The following HAGH variants were observed in gnomAD, a reference collection of about 807,000 sequenced individuals.
The protein encoded by HAGH is hydroxyacylglutathione hydrolase, also known as hydroxyacylglutathione hydrolase, mitochondrial.
Under a neutral mutation model 35.1 loss-of-function variants are expected in HAGH, and 29 were observed. The observed-to-expected ratio is 0.83, with a 90% CI of 0.62 to 1.13. HAGH has a LOEUF of 1.13. Among genes scored for constraint, HAGH ranks in the 50% most tolerant of loss-of-function variants. The pLI is 0.00. For synonymous variants in HAGH, 225 were observed against 176.1 expected (o/e 1.28, Z -2.20); for missense variants, 478 against 419.6 (o/e 1.14, Z -1.22).
At chr16:1,818,880 G>A in intron 5 of HAGH, 1 of 542,758 alleles carries the variant, frequency 1.8e-6, no homozygotes, top group Non-Finnish European at 3.3e-6. Context: ...CAGCTGTCCA[G>A]CAGTCTCCGC....
intron 1 of HAGH, among the ~76,000 whole-genome samples, chr16:1,825,537 G>A (rs948785484): frequency 2.0e-4 from 31 of 152,100 alleles, no homozygotes; most frequent in African/African-American, 7.5e-4. Context: ...GCAGCCTGGG[G>A]CCTGGACCAA....
rs1897915600 is a variant in HAGH at position 1,816,876 on chromosome 16, G to A, written c.747+17C>T. 6.4e-7 allele frequency: 1 copy of A among 1,551,924 alleles called. No individual in the cohort carries two copies. The highest frequency in any genetic ancestry group is 1.4e-5 in the African/African-American group (1 of 73,764). On this transcript the variant is annotated intron_variant, in intron 7 of 8. Coordinates refer to ENST00000397356, the MANE Select transcript of HAGH (RefSeq NM_005326.6). The stretch of plus-strand genomic sequence containing the variant: ...GCAGCCCACAGGAAGGCACTGCGCA[G>A]TGACGGCCCCACTCACCTTGGCCCA...
At position 1,808,651 on chromosome 16, in the gene HAGH, G is replaced by A. The variant is rs1184233420; in HGVS notation, c.*632C>T. On this transcript the variant is annotated 3_prime_UTR_variant, in exon 9 of 9. Coordinates refer to ENST00000397356, the MANE Select transcript of HAGH (RefSeq NM_005326.6). ...GCCTTTGTCCTGCCCTTCCCTCATA[G>A]ACCCTCTGCCACCAGCCACACCCAG... 1 of 152,286 alleles carries A rather than the reference G, an allele frequency of 6.6e-6. No homozygotes were observed. Among genetic ancestry groups the A allele is most frequent in the East Asian group, 1.9e-4 (1 of 5,190 alleles). 9.4% of individuals were successfully genotyped at this position (152,286 alleles called of 1,614,324 possible).
At chr16:1,811,287 G>A (rs1596910319) in intron 7 of HAGH, among the ~76,000 whole-genome samples, 3 of 152,214 alleles carry the variant, frequency 2.0e-5, no homozygotes, top group South Asian at 2.1e-4. Context: ...GGTGGCGGGT[G>A]CCTGTAATCC....
chr16:1,809,345 G>A lies in HAGH; in HGVS notation c.865C>T (p.Pro289Ser). Residue 289 changes from proline to serine, a missense_variant, in exon 9 of 9, where the codon CCG becomes TCG. By Grantham distance (74) the Pro-to-Ser change is moderately conservative. Coordinates refer to ENST00000397356, the MANE Select transcript of HAGH (RefSeq NM_005326.6). ...CGCACGGCCCGCATGGTGGTCACCG[G>A]GTCCGTCTCACCTGCGTGCTGCTGC... is the stretch of plus-strand genomic sequence containing the variant. Reference protein sequence around the residue: ...TVQQHAGETDPVTTMRAVRRE... With the variant: ...TVQQHAGETDSVTTMRAVRRE... The A allele has an allele frequency of 1.9e-6, 3 of 1,613,394 alleles. No homozygotes were observed. The highest frequency in any genetic ancestry group is 1.7e-6 in the Non-Finnish European group (2 of 1,179,928).
chr16:1,823,009 G>C lies in HAGH; in HGVS notation c.105C>G (p.His35Gln). 6.2e-7 allele frequency: 1 copy of C among 1,613,928 alleles called. No individual in the cohort carries two copies. The highest frequency in any genetic ancestry group is 8.5e-7 in the Non-Finnish European group (1 of 1,180,032). The change falls in exon 2 of 9, where the codon CAC becomes CAG. Residue 35 changes from histidine (H) to glutamine (Q), a missense_variant. Physicochemically the swap from His to Gln is conservative, Grantham distance 24 (BLOSUM62 0). Transcript: ENST00000397356. ...CGGTCAGGTTCTTCCGCAAATCTGT[G>C]TGGCAGAAAACTCCCAGCAGGGCTG... ...LGPALLGVFCHTDLRKNLTVD... is the reference protein window; with the variant it reads ...LGPALLGVFCQTDLRKNLTVD...
chr16:1,814,535 C>G (rs1897801196), intron 7 of HAGH, among the ~76,000 whole-genome samples: 1 of 150,692 alleles, frequency 6.6e-6, no homozygotes, highest in Admixed American at 6.6e-5. Context: ...AAACTATAAA[C>G]TATTTTCCAA....
intron 1 of HAGH, chr16:1,826,511 C>G (rs1898429770): frequency 1.0e-6 from 1 of 975,814 alleles, no homozygotes. Context: ...GCTTACCTAG[C>G]GCTTTCCGCA....
rs149338824 is a variant in HAGH at position 1,815,261 on chromosome 16, C to T, written c.747+1632G>A. On this transcript the variant is annotated intron_variant, in intron 7 of 8. Coordinates refer to ENST00000397356, the MANE Select transcript of HAGH (RefSeq NM_005326.6). Reference sequence around the variant, plus strand: ...CAAGCATTGGTGGGGGACTGTAGAACAGTACAACCATTTTTGGAAAACGGT... The same window carrying T: ...CAAGCATTGGTGGGGGACTGTAGAATAGTACAACCATTTTTGGAAAACGGT... 2.2e-3 allele frequency among the ~76,000 whole-genome samples: 336 copies of T among 152,288 alleles called. 2 individuals carry two copies. The highest frequency in any genetic ancestry group is 7.6e-3 in the African/African-American group (316 of 41,562).
At chr16:1,823,351 T>C (rs1898242245) in intron 1 of HAGH, among the ~76,000 whole-genome samples, 1 of 150,030 alleles carries the variant, frequency 6.7e-6, no homozygotes, top group Non-Finnish European at 1.5e-5. Flanking sequence ...CACTGCAAGC[T>C]CCGCCTCCCA....
upstream of HAGH, chr16:1,826,991 AGCG>A (rs28364708): frequency 2.6e-5 from 16 of 619,740 alleles, no homozygotes; most frequent in Non-Finnish European, 3.9e-5. Flanking sequence ...CGGGCCTGGG[AGCG>A]GCGGCGGCGG....
upstream of HAGH, chr16:1,827,145 A>T (rs887795423): frequency 7.4e-6 from 11 of 1,495,214 alleles, no homozygotes; most frequent in Non-Finnish European, 9.9e-6. Context: ...GCTGCGGGGG[A>T]CAGCGTTCCG....
chr16:1,812,527 A>AAAAG (rs1169133551), intron 7 of HAGH: 1 of 143,380 alleles, frequency 7.0e-6, no homozygotes, highest in African/African-American at 2.6e-5. Flanking sequence ...AAACAAAAAA[A>AAAAG]AAACACACAA....
chr16:1,809,634 C>T, intron 8 of HAGH, 120 bp downstream of exon 8: 1 of 791,638 alleles, frequency 1.3e-6, no homozygotes. Context: ...GCGGCTGCAC[C>T]TGTGACAGCT....
At chr16:1,816,824 C>T (rs774183906) in intron 7 of HAGH, 69 bp downstream of exon 7, 16 of 962,480 alleles carry the variant, frequency 1.7e-5, no homozygotes, top group African/African-American at 4.8e-5. Flanking sequence ...CCCACTCTGG[C>T]GACCCCGCTG....
intron 7 of HAGH, among the ~76,000 whole-genome samples, chr16:1,814,099 T>C (rs1897780153): frequency 6.6e-6 from 1 of 152,128 alleles, no homozygotes; most frequent in Admixed American, 6.5e-5. Flanking sequence ...CTTTAAAACT[T>C]CTAGGAAGAA....
chr16:1,826,542 C>G, intron 1 of HAGH, 170 bp downstream of exon 1: 1 of 714,364 alleles, frequency 1.4e-6, no homozygotes, highest in Non-Finnish European at 1.7e-6. Flanking sequence ...CGCGCCCGCT[C>G]CGCGCCAGCC....
intron 1 of HAGH, 181 bp downstream of exon 1, chr16:1,826,531 C>T (rs1898432235): frequency 1.0e-6 from 1 of 981,858 alleles, no homozygotes; most frequent in Non-Finnish European, 1.2e-6. Flanking sequence ...ACCCGCGGCC[C>T]CGCGCCCGCT....
chr16:1,819,398 G>A (rs1486420816), intron 4 of HAGH, among the ~76,000 whole-genome samples, 175 bp from the exon 5 acceptor site: 2 of 152,220 alleles, frequency 1.3e-5, no homozygotes, highest in Admixed American at 6.5e-5. Context: ...CTCCATGGGT[G>A]CGCCCCAAGT....
Sources: allele counts gnomAD v4.1 joint callset (sites outside exome capture counted in the v4.1 genomes callset), GRCh38; gene constraint gnomAD v4.1.1; transcripts MANE v1.5; gene names NCBI Gene and HGNC (gene_info 2026-07-23, HGNC 2026-07-21).